The following CPNE9 variants were observed in gnomAD, a reference collection of about 807,000 sequenced individuals.
CPNE9 encodes copine family member 9, also known as copine-9.
Under a neutral mutation model 83.0 loss-of-function variants are expected in CPNE9, and 59 were observed. The observed-to-expected ratio is 0.71, with a 90% CI of 0.58 to 0.88. The LOEUF is 0.88. Ranked by LOEUF, CPNE9 falls within the 40% of genes least tolerant of loss-of-function variation. CPNE9 has a pLI of 0.00. For synonymous variants in CPNE9, 256 were observed against 273.4 expected, an observed-to-expected ratio of 0.94 and a Z score of 0.63; for missense variants, 619 against 720.8, an observed-to-expected ratio of 0.86 and a Z score of 1.62.
At chr3:9,707,755 G>A (rs2076578661) in intron 7 of CPNE9, among the ~76,000 whole-genome samples, 1 of 148,476 alleles carries the variant, frequency 6.7e-6, no homozygotes, top group Non-Finnish European at 1.5e-5. Flanking sequence ...ACCCCAAGCT[G>A]GGTGACAGAG....
Position 9,729,820 on chromosome 3 carries a change from C to G in CPNE9, c.*128C>G. On this transcript the variant is annotated 3_prime_UTR_variant, in exon 21 of 21. Coordinates refer to ENST00000383832, the MANE Select transcript of CPNE9 (RefSeq NM_153635.3). ...AACTTGGAGGATCAGTGCTGGCTGA[C>G]AAGCCCTCCGCCTCCTTGCCTGCAG... 2.9e-6 allele frequency: 4 copies of G among 1,358,246 alleles called. No individual in the cohort carries two copies. Among genetic ancestry groups the G allele is most frequent in the Non-Finnish European group, 3.9e-6 (4 of 1,028,434 alleles). The allele number at this position is 1,358,246 out of a possible 1,614,324, so 84.1% of individuals were successfully genotyped here. A position where few individuals can be genotyped will look rare whatever the true frequency, so the allele number is the denominator to read the frequency against.
In CPNE9 at chr3:9,714,895, T is replaced by C. The variant is rs1297118114; in HGVS notation, c.651-19T>C. On this transcript the variant is annotated intron_variant, in intron 10 of 20. Coordinates refer to ENST00000383832, the MANE Select transcript of CPNE9 (RefSeq NM_153635.3). ...ATTTATCATACACACCTAGGGTATG[T>C]TTATCTCCTACATTTCAGAACGGTG... 5 of 1,610,966 alleles carry C rather than the reference T, an allele frequency of 3.1e-6. No homozygotes were observed. The Admixed American group carries it at 8.4e-5, about 27-fold the overall frequency.
intron 17 of CPNE9, among the ~76,000 whole-genome samples, chr3:9,720,165 C>T (rs1375706358): frequency 6.6e-6 from 1 of 151,796 alleles, no homozygotes; most frequent in East Asian, 1.9e-4. Context: ...CATAAATAAG[C>T]TCTGTTTGAC....
At position 9,715,384 on chromosome 3, in the gene CPNE9, C is replaced by T; in HGVS notation, c.768+20C>T. ...TATGAGGTGAGCATTCCAGCCCTGC[C>T]CAGGTCACCCAGGCCCTCCATCCCA... On this transcript the variant is annotated intron_variant, in intron 12 of 20. Coordinates refer to ENST00000383832, the MANE Select transcript of CPNE9 (RefSeq NM_153635.3). 3 of 1,613,920 alleles carry T rather than the reference C, an allele frequency of 1.9e-6. No homozygotes were observed. Among genetic ancestry groups the T allele is most frequent in the Non-Finnish European group, 2.5e-6 (3 of 1,179,768 alleles).
Position 9,716,240 on chromosome 3 carries a change from A to T in CPNE9, c.884+205A>T, listed in dbSNP as rs752241624. Among the ~76,000 whole-genome samples, 8 of 152,298 alleles carry T rather than the reference A, an allele frequency of 5.3e-5. No homozygotes were observed. In the Middle Eastern group the frequency reaches 0.01, roughly 194 times the overall value. On this transcript the variant is annotated intron_variant, in intron 14 of 20. Coordinates refer to ENST00000383832, the MANE Select transcript of CPNE9 (RefSeq NM_153635.3). The stretch of plus-strand genomic sequence containing the variant: ...CTTCATGGGGCTGCTTTTCATTCTT[A>T]GCTTTCGACTCCTCCTGGGAAGATG...
At chr3:9,716,095 G>A in intron 14 of CPNE9, 60 bp downstream of exon 14, 1 of 1,460,166 alleles carries the variant, frequency 6.8e-7, no homozygotes, top group Non-Finnish European at 9.5e-7. Context: ...CCAGTTCTGA[G>A]CCCCAGGTTT....
intron 17 of CPNE9, among the ~76,000 whole-genome samples, chr3:9,719,446 T>C (rs2076715704): frequency 6.6e-6 from 1 of 152,122 alleles, no homozygotes; most frequent in African/African-American, 2.4e-5. Flanking sequence ...TAGCATCAGA[T>C]CTGAGTGGGA....
Position 9,703,910 on chromosome 3 carries a change from C to T in CPNE9, c.-87C>T, listed in dbSNP as rs886837792. 13 of 1,152,982 alleles carry T rather than the reference C, an allele frequency of 1.1e-5. No individual in the cohort carries two copies. Among genetic ancestry groups the T allele is most frequent in the Non-Finnish European group, 8.3e-6 (7 of 844,384 alleles). 71.4% of individuals were successfully genotyped at this position (1,152,982 alleles called of 1,614,324 possible). A position where few individuals can be genotyped will look rare whatever the true frequency, so the allele number is the denominator to read the frequency against. On this transcript the variant is annotated 5_prime_UTR_variant, in exon 1 of 21. Coordinates refer to ENST00000383832, the MANE Select transcript of CPNE9 (RefSeq NM_153635.3). Reference sequence around the variant, plus strand: ...CGCCGCCGCCGCCGACACCGCGGCACATGGGCCGGCCCCGCCGCTGCCGTC... The same window carrying T: ...CGCCGCCGCCGCCGACACCGCGGCATATGGGCCGGCCCCGCCGCTGCCGTC...
chr3:9,712,951 C>T (rs762955623), intron 9 of CPNE9, 24 bp from the exon 10 acceptor site: 2 of 1,599,972 alleles, frequency 1.3e-6, no homozygotes, highest in Non-Finnish European at 1.7e-6. Flanking sequence ...ATAAATTATA[C>T]CAATTCTTCC....
intron 17 of CPNE9, among the ~76,000 whole-genome samples, chr3:9,724,859 C>G (rs1352063806): frequency 6.6e-6 from 1 of 152,094 alleles, no homozygotes; most frequent in Non-Finnish European, 1.5e-5. Context: ...TGGGTTCAAG[C>G]GGTTCTCCTG....
chr3:9,705,340 C>A, intron 4 of CPNE9, 124 bp from the exon 5 acceptor site: 1 of 744,482 alleles, frequency 1.3e-6, no homozygotes, highest in Non-Finnish European at 2.3e-6. Flanking sequence ...GAGACCAAAG[C>A]TGAATTCGGG....
intron 16 of CPNE9, 92 bp from the exon 17 acceptor site, chr3:9,718,383 A>C: frequency 6.6e-7 from 1 of 1,517,422 alleles, no homozygotes; most frequent in Non-Finnish European, 9.0e-7. Context: ...CATGAAAGGG[A>C]CTGATGGAAA....
At chr3:9,705,107 C>G (rs867953209) in intron 4 of CPNE9, 113 bp downstream of exon 4, 4 of 798,182 alleles carry the variant, frequency 5.0e-6, no homozygotes, top group Non-Finnish European at 8.6e-6. Flanking sequence ...CGCAGGCCTC[C>G]CTCCCATTCT....
At chr3:9,724,357 C>A (rs542215095) in intron 17 of CPNE9, among the ~76,000 whole-genome samples, 1 of 152,182 alleles carries the variant, frequency 6.6e-6, no homozygotes, top group South Asian at 2.1e-4. Context: ...TGGGGCCCAG[C>A]AGCCCAGGCG....
At chr3:9,727,513 A>G (rs1379674630) in intron 20 of CPNE9, 1 of 681,350 alleles carries the variant, frequency 1.5e-6, no homozygotes, top group Non-Finnish European at 2.7e-6. Context: ...AGAGCCTGTA[A>G]CAGGGACCTA....
chr3:9,717,871 G>C (rs1185443431), intron 15 of CPNE9, among the ~76,000 whole-genome samples, 158 bp from the exon 16 acceptor site: 1 of 152,148 alleles, frequency 6.6e-6, no homozygotes, highest in Non-Finnish European at 1.5e-5. Context: ...TGGATAGATG[G>C]ATAAATGAAC....
chr3:9,724,957 A>G (rs2076764716), intron 17 of CPNE9, among the ~76,000 whole-genome samples: 1 of 151,934 alleles, frequency 6.6e-6, no homozygotes, highest in Non-Finnish European at 1.5e-5. Context: ...GGGTTTCACC[A>G]TATTGGCCAG....
At chr3:9,715,673 G>T in intron 13 of CPNE9, 147 bp downstream of exon 13, 1 of 700,254 alleles carries the variant, frequency 1.4e-6, no homozygotes, top group Non-Finnish European at 2.4e-6. Flanking sequence ...CACCACTTAA[G>T]TTTTTCTTTG....
intron 17 of CPNE9, among the ~76,000 whole-genome samples, chr3:9,725,528 C>CT (rs1274902644): frequency 6.6e-6 from 1 of 151,468 alleles, no homozygotes; most frequent in African/African-American, 2.4e-5. Flanking sequence ...GGGTAAGACT[C>CT]TGTCTCAAAA....
Sources: gnomAD v4.1 joint callset for allele counts (sites outside exome capture counted in the v4.1 genomes callset) on GRCh38, gnomAD v4.1.1 for gene constraint, MANE v1.5 for transcripts, NCBI Gene and HGNC (gene_info 2026-07-23, HGNC 2026-07-21) for gene names.